Variants in ADGRD1 observed in about 807,000 individuals in gnomAD.
The protein encoded by ADGRD1 is G-protein coupled receptor 133.
A neutral mutation model predicts 113.4 loss-of-function variants in ADGRD1; 77 were observed. The observed-to-expected ratio is 0.68, with a 90% CI of 0.57 to 0.82. The LOEUF (loss-of-function observed/expected upper bound fraction) is 0.82. Ranked by LOEUF, ADGRD1 falls within the 40% of genes least tolerant of loss-of-function variation. ADGRD1 has a pLI of 0.00. For missense variants in ADGRD1, 1,036 were observed against 1,139.1 expected (o/e 0.91, Z 1.30); for synonymous variants, 474 against 475.0 (o/e 1.00, Z 0.03).
At chr12:131,093,128 G>A (rs1294496809) in intron 15 of ADGRD1, among the ~76,000 whole-genome samples, 2 of 152,118 alleles carry the variant, frequency 1.3e-5, no homozygotes. Flanking sequence ...TGGTGGGAAA[G>A]TGACATATGC....
At chr12:130,994,121 C>G (rs750210525) in intron 8 of ADGRD1, 23 of 309,278 alleles carry the variant, frequency 7.4e-5, no homozygotes, top group Non-Finnish European at 1.6e-4. Flanking sequence ...GGGGCCAAGG[C>G]TGCCCAGTGT....
At chr12:131,002,449 C>T (rs765801548) in intron 9 of ADGRD1, 11 of 888,486 alleles carry the variant, frequency 1.2e-5, no homozygotes, top group African/African-American at 1.8e-5. Flanking sequence ...TTCTGAAGTG[C>T]GTGTTTGTGG....
intron 21 of ADGRD1, among the ~76,000 whole-genome samples, chr12:131,134,671 C>T (rs972463018): frequency 2.6e-5 from 4 of 152,240 alleles, no homozygotes; most frequent in East Asian, 1.9e-4. Flanking sequence ...ACCGGTTGCC[C>T]GGAGCTGTCA....
At chr12:131,087,884 A>T (rs370750733) in intron 15 of ADGRD1, among the ~76,000 whole-genome samples, 17 of 152,332 alleles carry the variant, frequency 1.1e-4, no homozygotes, top group East Asian at 5.8e-4. Context: ...ACCACACCAG[A>T]GGGCGGTGAA....
chr12:131,114,824 T>C (rs1950426053), intron 18 of ADGRD1, among the ~76,000 whole-genome samples: 1 of 152,174 alleles, frequency 6.6e-6, no homozygotes. Flanking sequence ...AGATAACCTC[T>C]GTCCTCAAGG....
At chr12:131,035,581 T>A (rs1022067325) in intron 13 of ADGRD1, 2 of 152,198 alleles carry the variant, frequency 1.3e-5, no homozygotes, top group African/African-American at 2.4e-5. Flanking sequence ...AAGAAGGAAA[T>A]CCACTGAGCC....
intron 20 of ADGRD1, among the ~76,000 whole-genome samples, chr12:131,130,695 C>T (rs554364929): frequency 1.2e-4 from 18 of 151,974 alleles, no homozygotes; most frequent in East Asian, 3.9e-4. Context: ...TGCAGGTGTG[C>T]GGAACAGCGA....
At chr12:131,105,611 GATGGTCCACAGC>G in intron 16 of ADGRD1, 131 bp from the exon 17 acceptor site, 1 of 633,676 alleles carries the variant, frequency 1.6e-6, no homozygotes, top group Non-Finnish European at 2.8e-6. Context: ...GGGAGCCATC[GATGGTCCACAGC>G]AGGGAGTGAC....
At chr12:130,957,778 G>A (rs960390632) in intron 2 of ADGRD1, 5 of 152,212 alleles carry the variant, frequency 3.3e-5, no homozygotes, top group Non-Finnish European at 5.9e-5. Context: ...GGAAGGGTGT[G>A]GTGACCCCTA....
At chr12:131,029,434 A>G (rs1468646604) in intron 13 of ADGRD1, among the ~76,000 whole-genome samples, 1 of 152,236 alleles carries the variant, frequency 6.6e-6, no homozygotes, top group Non-Finnish European at 1.5e-5. Flanking sequence ...CACATCAGAA[A>G]GGTCCCTTTT....
chr12:131,092,639 C>T (rs549566352), intron 15 of ADGRD1, among the ~76,000 whole-genome samples: 10 of 152,242 alleles, frequency 6.6e-5, no homozygotes, highest in African/African-American at 2.4e-4. Flanking sequence ...GTGGCTCTGA[C>T]CTGGGGGGTG....
intron 13 of ADGRD1, among the ~76,000 whole-genome samples, chr12:131,065,184 G>A (rs903095553): frequency 6.6e-6 from 1 of 152,178 alleles, no homozygotes; most frequent in Non-Finnish European, 1.5e-5. Flanking sequence ...AAATGGTGCC[G>A]GGGGTTCAGG....
chr12:131,118,837 T>TG (rs1446131601), intron 19 of ADGRD1, among the ~76,000 whole-genome samples: 1 of 152,226 alleles, frequency 6.6e-6, no homozygotes, highest in African/African-American at 2.4e-5. Flanking sequence ...GTGCAGACCG[T>TG]GTGCCCAGTA....
chr12:130,999,446 C>T (rs933718596), intron 8 of ADGRD1, among the ~76,000 whole-genome samples: 32 of 152,174 alleles, frequency 2.1e-4, no homozygotes, highest in Admixed American at 1.8e-3. Context: ...TCTCAAAAAG[C>T]ATTTATCTCA....
At position 131,003,167 on chromosome 12, in the gene ADGRD1, G is replaced by A; in HGVS notation, c.1027-18G>A. On this transcript the variant is annotated intron_variant, in intron 9 of 24. Coordinates refer to ENST00000261654, the MANE Select transcript of ADGRD1 (RefSeq NM_198827.5). The surrounding 1 kb of genome is among the most constrained non-coding windows in gnomAD (Gnocchi z 4.8). ...GTGGGGTGGATTTTCATGGCTCCTG[G>A]TGCTTGTGTTGCTGCAGGACAGCGC... The A allele has an allele frequency of 6.3e-7, 1 of 1,588,522 alleles. No individual in the cohort carries two copies. Among genetic ancestry groups the A allele is most frequent in the Non-Finnish European group, 8.6e-7 (1 of 1,156,898 alleles).
Position 131,139,294 on chromosome 12 carries a change from G to A in ADGRD1, c.*31G>A, listed in dbSNP as rs376086532. The A allele has an allele frequency of 1.8e-5, 27 of 1,475,950 alleles. No individual in the cohort carries two copies. Among genetic ancestry groups the A allele is most frequent in the African/African-American group, 1.4e-4 (10 of 69,000 alleles). 91.4% of individuals were successfully genotyped at this position (1,475,950 alleles called of 1,614,324 possible). On this transcript the variant is annotated 3_prime_UTR_variant, in exon 25 of 25. Transcript: ENST00000261654. ...GAGGCTGCCAACCAGGCCAGGCTGC[G>A]CTCAGAACACACCCCCCCAAACAGA...
rs983844929 is a variant in ADGRD1, at chr12:131,022,613, G to A, written c.1473+8273G>A. On this transcript the variant is annotated intron_variant, in intron 13 of 24. Coordinates refer to ENST00000261654, the MANE Select transcript of ADGRD1 (RefSeq NM_198827.5). The surrounding 1 kb of genome is among the most constrained non-coding windows in gnomAD (Gnocchi z 4.6). ...TCCCGTTGTCGCGGCCGTGACCGTC[G>A]GGAGCTCTGTCCAGTTGGTTTCTGC... Among the ~76,000 whole-genome samples, 2 of 152,122 alleles carry A rather than the reference G, an allele frequency of 1.3e-5. No individual in the cohort carries two copies. Among genetic ancestry groups the A allele is most frequent in the African/African-American group, 4.8e-5 (2 of 41,426 alleles).
chr12:131,089,540 C>T (rs1298605931), intron 15 of ADGRD1, among the ~76,000 whole-genome samples: 5 of 152,084 alleles, frequency 3.3e-5, no homozygotes, highest in South Asian at 2.1e-4. Context: ...TTGGATACCC[C>T]CTGCCTGCAA....
chr12:131,045,936 C>T (rs999973191), intron 13 of ADGRD1, among the ~76,000 whole-genome samples: 2 of 151,858 alleles, frequency 1.3e-5, no homozygotes, highest in Non-Finnish European at 1.5e-5. Context: ...GTGGTGCTCC[C>T]GCCCTGGTTG....
Sources: gnomAD v4.1 joint callset for allele counts (sites outside exome capture counted in the v4.1 genomes callset) on GRCh38, gnomAD v4.1.1 for gene constraint, Gnocchi (gnomAD v3.1) non-coding constraint, MANE v1.5 for transcripts, NCBI Gene and HGNC (gene_info 2026-07-23, HGNC 2026-07-21) for gene names.